The following RPF1 variants were observed in gnomAD, a reference collection of about 807,000 sequenced individuals.
RPF1 encodes the protein ribosome production factor 1 homolog.
A neutral mutation model predicts 41.9 loss-of-function variants in RPF1; 34 were observed. The ratio of observed to expected loss-of-function variants is 0.81; its 90% CI spans 0.62 to 1.08. RPF1 has a LOEUF of 1.08. Ranked by LOEUF, RPF1 falls within the 50% of genes least tolerant of loss-of-function variation. RPF1 has a pLI of 0.00. For synonymous variants in RPF1, 140 were observed against 148.9 expected (o/e 0.94, Z 0.43); for missense variants, 425 against 435.2 (o/e 0.98, Z 0.21).
intron 1 of RPF1, 27 bp downstream of exon 1, chr1:84,479,536 C>T (rs762577656): frequency 5.0e-6 from 8 of 1,606,812 alleles, no homozygotes; most frequent in Non-Finnish European, 6.0e-6. Context: ...GGCTGCCGGG[C>T]GCTTGCGCGT....
chr1:84,481,442 T>G, intron 2 of RPF1, among the ~76,000 whole-genome samples: 1 of 152,192 alleles, frequency 6.6e-6, no homozygotes, highest in East Asian at 1.9e-4. Context: ...TCTTGTCATG[T>G]GAAGCAAAGA....
In RPF1 at chr1:84,494,997, C is replaced by T. The variant is rs541936988; in HGVS notation, c.617-376C>T. On this transcript the variant is annotated intron_variant, in intron 5 of 8. Transcript: ENST00000370654. ...TACATCTTTAGAACGTGGAGGTAAA[C>T]TCATACTCTATTTGCAGTGTTACAT... Among the ~76,000 whole-genome samples the T allele has an allele frequency of 4.7e-4, 71 of 152,216 alleles. 1 individual carries two copies. The South Asian group carries it at 0.013, about 28-fold the overall frequency.
chr1:84,483,208 A>C (rs867786268), intron 3 of RPF1: 61 of 527,440 alleles, frequency 1.2e-4, no homozygotes, highest in African/African-American at 1.0e-3. Flanking sequence ...AATTCTAGGT[A>C]AACTTTTACA....
At chr1:84,496,807 T>C (rs999352750) in intron 8 of RPF1, among the ~76,000 whole-genome samples, 9 of 152,212 alleles carry the variant, frequency 5.9e-5, no homozygotes, top group Non-Finnish European at 1.5e-5. Flanking sequence ...TGAGAACTAT[T>C]GATAAGTTTT....
chr1:84,492,274 G>A (rs1681847826), intron 5 of RPF1, among the ~76,000 whole-genome samples: 1 of 152,182 alleles, frequency 6.6e-6, no homozygotes, highest in South Asian at 2.1e-4. Context: ...TTAGCCTGTG[G>A]GAAAGTAGAT....
intron 3 of RPF1, among the ~76,000 whole-genome samples, chr1:84,488,880 AT>A (rs1328921856): frequency 6.6e-6 from 1 of 152,164 alleles, no homozygotes; most frequent in African/African-American, 2.4e-5. Flanking sequence ...CTTAGAATTA[AT>A]TATATCTGTG....
At chr1:84,486,832 C>T (rs1681748075) in intron 3 of RPF1, among the ~76,000 whole-genome samples, 1 of 152,094 alleles carries the variant, frequency 6.6e-6, no homozygotes, top group Non-Finnish European at 1.5e-5. Flanking sequence ...GAAATCAGAG[C>T]TGCTTCAATT....
intron 1 of RPF1, 49 bp from the exon 2 acceptor site, chr1:84,480,907 T>A: frequency 1.0e-6 from 1 of 981,080 alleles, no homozygotes; most frequent in East Asian, 2.4e-5. Context: ...GTGTTTGTGA[T>A]ATAACTGGTT....
intron 2 of RPF1, among the ~76,000 whole-genome samples, chr1:84,481,717 C>T (rs181158169): frequency 7.0e-4 from 107 of 152,208 alleles, no homozygotes; most frequent in African/African-American, 1.8e-3. Context: ...TACATTATTG[C>T]ATAGCTAAGT....
intron 5 of RPF1, among the ~76,000 whole-genome samples, chr1:84,492,905 G>A (rs565906697): frequency 6.6e-6 from 1 of 152,160 alleles, no homozygotes; most frequent in Admixed American, 6.5e-5. Flanking sequence ...CAGTCCCACC[G>A]TGGTTGAGAT....
At chr1:84,487,781 T>C (rs977987296) in intron 3 of RPF1, among the ~76,000 whole-genome samples, 1 of 152,126 alleles carries the variant, frequency 6.6e-6, no homozygotes, top group African/African-American at 2.4e-5. Flanking sequence ...AACCAGTTAC[T>C]TTCCTTCCTG....
At chr1:84,489,524 C>G (rs113326836) in intron 3 of RPF1, 109 bp from the exon 4 acceptor site, 2 of 668,476 alleles carry the variant, frequency 3.0e-6, no homozygotes, top group African/African-American at 1.8e-5. Context: ...TTTAAAGCCC[C>G]TATCAGCTAG....
chr1:84,490,510 TCCCTCA>T, intron 5 of RPF1, 38 bp downstream of exon 5: 1 of 1,373,060 alleles, frequency 7.3e-7, no homozygotes, highest in Non-Finnish European at 9.9e-7. Context: ...TCCTGTCCTC[TCCCTCA>T]CCCCCCTTAA....
chr1:84,490,292 C>CA (rs1277162759), intron 4 of RPF1, 27 bp from the exon 5 acceptor site: 7 of 1,479,814 alleles, frequency 4.7e-6, no homozygotes, highest in Non-Finnish European at 3.6e-6. Context: ...GAAAACTATT[C>CA]AAAATTTTTG....
chr1:84,489,572 A>T (rs1459932458), intron 3 of RPF1, 61 bp from the exon 4 acceptor site: 19 of 922,858 alleles, frequency 2.1e-5, no homozygotes, highest in Non-Finnish European at 3.4e-5. Context: ...TGCTACTTTT[A>T]GAATTCTGGC....
rs2292191 is a variant in RPF1, at chr1:84,479,306, A to G, written c.25A>G (p.Ser9Gly). The change falls in exon 1 of 9, where the codon AGC becomes GGC. Residue 9 changes from serine (S) to glycine (G), a missense_variant. Physicochemically the swap from Ser to Gly is moderately conservative, Grantham distance 56. Coordinates refer to ENST00000370654, the MANE Select transcript of RPF1 (RefSeq NM_025065.7). ...CATGGCGAAAGCCGGGGATAAGAGC[A>G]GCAGCAGCGGGAAGAAAAGTCTAAA... MAKAGDKS[S>G]SSGKKSLKRK... 0.61 allele frequency: 977,379 copies of G among 1,605,726 alleles called. 305,274 individuals carry two copies. Among genetic ancestry groups the G allele is most frequent in the East Asian group, 0.78 (34,767 of 44,686 alleles).
chr1:84,488,339 GA>G (rs1681771078), intron 3 of RPF1, among the ~76,000 whole-genome samples: 2 of 152,102 alleles, frequency 1.3e-5, no homozygotes, highest in East Asian at 3.9e-4. Flanking sequence ...GCTATTCCTG[GA>G]TATCTTACAG....
chr1:84,496,593 A>G (rs956059565), intron 8 of RPF1, among the ~76,000 whole-genome samples: 4 of 151,312 alleles, frequency 2.6e-5, no homozygotes, highest in Non-Finnish European at 5.9e-5. Flanking sequence ...AAGATACAAT[A>G]TCTGGGTCTG....
chr1:84,492,085 C>T (rs1274487495), intron 5 of RPF1, among the ~76,000 whole-genome samples: 2 of 151,926 alleles, frequency 1.3e-5, no homozygotes, highest in African/African-American at 4.8e-5. Context: ...TACTTGAACC[C>T]GGGAGGCAAA....
Sources: allele counts gnomAD v4.1 joint callset (sites outside exome capture counted in the v4.1 genomes callset), GRCh38; gene constraint gnomAD v4.1.1; transcripts MANE v1.5; gene names NCBI Gene and HGNC (gene_info 2026-07-23, HGNC 2026-07-21).